The following SERPINA12 variants were observed in gnomAD, a reference collection of about 807,000 sequenced individuals.
SERPINA12 encodes the protein serpin family A member 12.
SERPINA12 carries 21 observed loss-of-function variants against 25.9 expected under a neutral mutation model. The observed-to-expected ratio is 0.81, with a 90% confidence interval of 0.58 to 1.17. SERPINA12 has a LOEUF of 1.17. Among genes scored for constraint, SERPINA12 ranks in the 50% most tolerant of loss-of-function variants. The pLI is 0.00. For missense variants in SERPINA12, 562 were observed against 508.3 expected, an observed-to-expected ratio of 1.11 and a Z score of -1.02; for synonymous variants, 220 against 196.0, an observed-to-expected ratio of 1.12 and a Z score of -1.02.
At position 94,496,513 on chromosome 14, in the gene SERPINA12, G is replaced by A. The variant is rs747860544; in HGVS notation, c.765C>T (p.Leu255=). The A allele has an allele frequency of 7.4e-6, 12 of 1,613,914 alleles. No individual in the cohort carries two copies. The highest frequency in any genetic ancestry group is 1.7e-5 in the Admixed American group (1 of 59,998). Reference sequence around the variant, plus strand: ...AGGGTATTTCCAGGATGGTGCAAGAGAGCTTATCGTCATAGCCAACTTGGT... The same window carrying A: ...AGGGTATTTCCAGGATGGTGCAAGAAAGCTTATCGTCATAGCCAACTTGGT... The part of the protein sequence containing the change: ...GIYQVGYDDK[L]SCTILEIPYQ... Residue 255 remains leucine, a synonymous_variant, in exon 3 of 5, where the codon CTC becomes CTT. Transcript: ENST00000677451.
At chr14:94,511,722 G>A (rs1475158065), upstream of SERPINA12, 1 of 985,242 alleles carries the variant, frequency 1.0e-6, no homozygotes, top group Admixed American at 6.2e-5. Flanking sequence ...GAGTTGAAAA[G>A]CAGATTGAAT....
rs1312538405 is a variant in SERPINA12, at chr14:94,496,718, C to A, written c.635-75G>T. The A allele has an allele frequency of 7.3e-6, 9 of 1,237,172 alleles. No individual in the cohort carries two copies. The East Asian group carries it at 1.8e-4, about 25-fold the overall frequency. 76.6% of individuals were successfully genotyped at this position (1,237,172 alleles called of 1,614,324 possible). A position where few individuals can be genotyped will look rare whatever the true frequency, so the allele number is the denominator to read the frequency against. ...TGACTAAATCCAACTAACCAGTAGT[C>A]TCTCTCCACACAGATTCAGGGTGAA... On this transcript the variant is annotated intron_variant, in intron 2 of 4. Transcript: ENST00000677451.
rs181727536 is a variant in SERPINA12, at chr14:94,492,756, G to T, written c.906-2989C>A. Among the ~76,000 whole-genome samples, 429 of 152,336 alleles carry T rather than the reference G, an allele frequency of 2.8e-3. 3 individuals are homozygous for T. The highest frequency in any genetic ancestry group is 4.0e-3 in the Non-Finnish European group (272 of 68,028). On this transcript the variant is annotated intron_variant, in intron 3 of 4. Transcript: ENST00000677451. ...TGCATATACCAATATGTACGGAAATGTGTGGGGGGCACCCAGGCTGGGAGT... is the reference window on the plus strand; with the variant it reads ...TGCATATACCAATATGTACGGAAATTTGTGGGGGGCACCCAGGCTGGGAGT...
intron 2 of SERPINA12, among the ~76,000 whole-genome samples, chr14:94,497,158 G>A (rs909686354): frequency 6.6e-6 from 1 of 152,136 alleles, no homozygotes; most frequent in Admixed American, 6.5e-5. Flanking sequence ...TGTTCTGTGT[G>A]GTGTTGGGGG....
chr14:94,515,311 G>A (rs1391107569), intron 2 of SERPINA12, among the ~76,000 whole-genome samples: 2 of 152,168 alleles, frequency 1.3e-5, no homozygotes, highest in Non-Finnish European at 2.9e-5. Context: ...CTGTCTGGGT[G>A]GTCCGGGAAG....
chr14:94,510,703 T>G (rs1161710870), upstream of SERPINA12, among the ~76,000 whole-genome samples: 1 of 152,052 alleles, frequency 6.6e-6, no homozygotes, highest in African/African-American at 2.4e-5. Context: ...TAAGTGCCCA[T>G]CAAACAATAA....
chr14:94,498,776 A>G (rs1432803764), intron 1 of SERPINA12, among the ~76,000 whole-genome samples: 1 of 152,206 alleles, frequency 6.6e-6, no homozygotes, highest in Non-Finnish European at 1.5e-5. Flanking sequence ...CTACCATCAT[A>G]ATACTTCATT....
In SERPINA12 at chr14:94,498,459, T is replaced by A. The variant is rs555180220; in HGVS notation, c.-33-29A>T. On this transcript the variant is annotated intron_variant, in intron 1 of 4. Coordinates refer to ENST00000677451, the MANE Select transcript of SERPINA12 (RefSeq NM_001382267.1). ...AGGTCAGCAGAAAAAAAGAACATGA[T>A]AACCCCATTGCCTACATGTTACCCA... The A allele has an allele frequency of 8.5e-6, 13 of 1,533,612 alleles. No individual in the cohort carries two copies. The East Asian group carries it at 1.8e-4, about 21-fold the overall frequency.
At chr14:94,509,876 C>A (rs551205644), upstream of SERPINA12, 111 of 612,426 alleles carry the variant, frequency 1.8e-4, 1 homozygote, top group Non-Finnish European at 2.2e-4. Context: ...TGAGCAGAAT[C>A]GTCCACCCCA....
At chr14:94,511,750 C>G, upstream of SERPINA12, 3 of 982,498 alleles carry the variant, frequency 3.1e-6, no homozygotes, top group Non-Finnish European at 3.6e-6. Flanking sequence ...ATGTACCAGG[C>G]AGCAAGCCAG....
At chr14:94,491,883 G>A (rs1189172989) in intron 3 of SERPINA12, among the ~76,000 whole-genome samples, 1 of 152,152 alleles carries the variant, frequency 6.6e-6, no homozygotes, top group Non-Finnish European at 1.5e-5. Flanking sequence ...CAGGGGCTGG[G>A]GATGGAAGCA....
chr14:94,500,950 T>C (rs1900690606), intron 1 of SERPINA12: 1 of 983,094 alleles, frequency 1.0e-6, no homozygotes, highest in Non-Finnish European at 1.2e-6. Flanking sequence ...TTCGTAGCTG[T>C]GTGACATTCC....
intron 3 of SERPINA12, among the ~76,000 whole-genome samples, chr14:94,495,548 G>C (rs1292727061): frequency 6.6e-6 from 1 of 152,208 alleles, no homozygotes; most frequent in Non-Finnish European, 1.5e-5. Flanking sequence ...TGCCTGACAG[G>C]ACGTTAGGTG....
chr14:94,493,247 T>C (rs1241873359), intron 3 of SERPINA12, among the ~76,000 whole-genome samples: 1 of 152,160 alleles, frequency 6.6e-6, no homozygotes, highest in Non-Finnish European at 1.5e-5. Flanking sequence ...GAATGTTTGT[T>C]CCTATCATGT....
At chr14:94,511,344 A>G (rs182333368), upstream of SERPINA12, 4 of 920,690 alleles carry the variant, frequency 4.3e-6, no homozygotes, top group African/African-American at 1.8e-5. Flanking sequence ...GGTTTGGGAT[A>G]GTGAGTCATC....
intron 1 of SERPINA12, chr14:94,500,764 G>A (rs550750251): frequency 4.5e-6 from 3 of 665,552 alleles, no homozygotes; most frequent in Non-Finnish European, 1.9e-6. Context: ...ACCGGGGCTG[G>A]GTCCATGGAA....
chr14:94,489,798 T>G, intron 3 of SERPINA12, 31 bp from the exon 4 acceptor site: 1 of 1,609,138 alleles, frequency 6.2e-7, no homozygotes, highest in Non-Finnish European at 8.5e-7. Flanking sequence ...GGGTGAGTGG[T>G]CAAGTCCTGT....
intron 1 of SERPINA12, 40 bp from the exon 2 acceptor site, chr14:94,498,470 C>T (rs951011806): frequency 1.4e-6 from 2 of 1,480,332 alleles, no homozygotes; most frequent in Admixed American, 2.0e-5. Flanking sequence ...AACCCCATTG[C>T]CTACATGTTA....
chr14:94,498,532 A>T (rs770074895), intron 1 of SERPINA12, 102 bp from the exon 2 acceptor site: 39 of 961,140 alleles, frequency 4.1e-5, no homozygotes, highest in Admixed American at 5.2e-5. Flanking sequence ...TATGTGTTGT[A>T]CATAGCAGTT....
Sources: gnomAD v4.1 joint callset for allele counts (sites outside exome capture counted in the v4.1 genomes callset) on GRCh38, gnomAD v4.1.1 for gene constraint, MANE v1.5 for transcripts, NCBI Gene and HGNC (gene_info 2026-07-23, HGNC 2026-07-21) for gene names.